Variants in SOX10 observed in about 807,000 individuals in gnomAD.
SOX10 encodes transcription factor SOX-10.
A neutral mutation model predicts 35.0 loss-of-function variants in SOX10; 3 were observed. The ratio of observed to expected loss-of-function variants is 0.09; its 90% CI spans 0.04 to 0.22. SOX10 has a LOEUF of 0.22. Among genes scored for constraint, SOX10 ranks in the 10% least tolerant of loss-of-function variants. SOX10 has a pLI of 1.00. For synonymous variants in SOX10, 285 were observed against 291.0 expected (o/e 0.98, Z 0.21); for missense variants, 436 against 655.1 (o/e 0.67, Z 3.65).
chr22:37,978,210 C>T lies in SOX10; in HGVS notation c.429-75G>A, dbSNP rs1291620424. ...GCCAGAGCACTCCAGGTTGGCCTCC[C>T]TCTGAGTGTCCATCTTGGAAGATGT... On this transcript the variant is annotated intron_variant, in intron 2 of 3. Transcript: ENST00000396884. This position sits in a 1 kb window ranked among gnomAD's most constrained non-coding sequence, Gnocchi z 5.0. The T allele has an allele frequency of 2.8e-6, 4 of 1,410,724 alleles. No homozygotes were observed. In the African/African-American group the frequency reaches 5.8e-5, roughly 20 times the overall value. 87.4% of individuals were successfully genotyped at this position (1,410,724 alleles called of 1,614,324 possible). A position where few individuals can be genotyped will look rare whatever the true frequency, so the allele number is the denominator to read the frequency against.
In SOX10 at chr22:37,983,966, T is replaced by C. The variant is rs1289471416; in HGVS notation, c.-84-98A>G. ...ACAGCCCCGAGGTGGCGGCCCTTCCTGCTCCAGCTAAACCCATCTGGCCCC... is the reference window on the plus strand; with the variant it reads ...ACAGCCCCGAGGTGGCGGCCCTTCCCGCTCCAGCTAAACCCATCTGGCCCC... On this transcript the variant is annotated intron_variant, in intron 1 of 3. Transcript: ENST00000396884. This position sits in a 1 kb window ranked among gnomAD's most constrained non-coding sequence, Gnocchi z 9.5. The C allele has an allele frequency of 2.6e-6, 1 of 385,080 alleles. No homozygotes were observed. Among genetic ancestry groups the C allele is most frequent in the African/African-American group, 2.2e-5 (1 of 45,414 alleles). The allele number at this position is 385,080 out of a possible 1,614,324, so 23.9% of individuals were successfully genotyped here.
Position 37,983,255 on chromosome 22 carries a change from C to T in SOX10, c.428+102G>A, listed in dbSNP as rs2145776650. 2 of 1,352,736 alleles carry T rather than the reference C, an allele frequency of 1.5e-6. No homozygotes were observed. Among genetic ancestry groups the T allele is most frequent in the East Asian group, 5.0e-5 (2 of 40,074 alleles). 83.8% of individuals were successfully genotyped at this position (1,352,736 alleles called of 1,614,324 possible). ...TCCAGCCCTATCCAAGGAGGACTGC[C>T]AGACAGTCCCGCTCTGAGGTGCAGG... is the stretch of plus-strand genomic sequence containing the variant. On this transcript the variant is annotated intron_variant, in intron 2 of 3. Coordinates refer to ENST00000396884, the MANE Select transcript of SOX10 (RefSeq NM_006941.4). The surrounding 1 kb of genome is among the most constrained non-coding windows in gnomAD (Gnocchi z 9.5).
chr22:37,982,170 G>A (rs1932419998), intron 2 of SOX10, among the ~76,000 whole-genome samples: 1 of 152,146 alleles, frequency 6.6e-6, no homozygotes, highest in South Asian at 2.1e-4. Flanking sequence ...TCAAAGTGTA[G>A]GTGATCCACC....
Position 37,983,761 on chromosome 22 carries a change from C to T in SOX10, c.24G>A (p.Ser8=), listed in dbSNP as rs1932481362. Residue 8 remains serine, a synonymous_variant, in exon 2 of 4, where the codon TCG becomes TCA. Transcript: ENST00000396884. This position sits in a 1 kb window ranked among gnomAD's most constrained non-coding sequence, Gnocchi z 9.5. ...AGCCCACGGGGCTCAGCTCCACCTC[C>T]GATAGGTCCTGCTCCTCCGCCATGT... MAEEQDL[S]EVELSPVGSE... is the part of the protein sequence containing the mutation. 1 of 1,487,460 alleles carries T rather than the reference C, an allele frequency of 6.7e-7. No individual in the cohort carries two copies. The highest frequency in any genetic ancestry group is 2.7e-5 in the East Asian group (1 of 36,648). The allele number at this position is 1,487,460 out of a possible 1,614,324, so 92.1% of individuals were successfully genotyped here.
rs1397622594 is a variant in SOX10, at chr22:37,978,672, T to C, written c.429-537A>G. On this transcript the variant is annotated intron_variant, in intron 2 of 3. Transcript: ENST00000396884. The surrounding 1 kb of genome is among the most constrained non-coding windows in gnomAD (Gnocchi z 5.0). Reference sequence around the variant, plus strand: ...CTTCACCTATAAAAGGATGATAACATTGGCTTAACTTGGGTGTGGGATTGG... The same window carrying C: ...CTTCACCTATAAAAGGATGATAACACTGGCTTAACTTGGGTGTGGGATTGG... 6.6e-6 allele frequency among the ~76,000 whole-genome samples: 1 copy of C among 152,190 alleles called. No homozygotes were observed. The highest frequency in any genetic ancestry group is 1.5e-5 in the Non-Finnish European group (1 of 68,030).
chr22:37,983,938 G>C lies in SOX10; in HGVS notation c.-84-70C>G, dbSNP rs1932491388. The C allele has an allele frequency of 2.0e-6, 1 of 502,800 alleles. No individual in the cohort carries two copies. The highest frequency in any genetic ancestry group is 2.1e-5 in the African/African-American group (1 of 47,482). The allele number at this position is 502,800 out of a possible 1,614,324, so 31.1% of individuals were successfully genotyped here. On this transcript the variant is annotated intron_variant, in intron 1 of 3. Coordinates refer to ENST00000396884, the MANE Select transcript of SOX10 (RefSeq NM_006941.4). This position sits in a 1 kb window ranked among gnomAD's most constrained non-coding sequence, Gnocchi z 9.5. Reference sequence around the variant, plus strand: ...CGAGGGCGGCCCGAGACAGGACGTGGGCACAGCCCCGAGGTGGCGGCCCTT... The same window carrying C: ...CGAGGGCGGCCCGAGACAGGACGTGCGCACAGCCCCGAGGTGGCGGCCCTT...
chr22:37,983,607 C>T lies in SOX10; in HGVS notation c.178G>A (p.Asp60Asn), dbSNP rs1439127307. Residue 60 changes from aspartate (D) to asparagine (N), a missense_variant, in exon 2 of 4, where the codon GAC (aspartate) becomes AAC (asparagine). Coordinates refer to ENST00000396884, the MANE Select transcript of SOX10 (RefSeq NM_006941.4). The surrounding 1 kb of genome is among the most constrained non-coding windows in gnomAD (Gnocchi z 9.5). The stretch of plus-strand genomic sequence containing the variant: ...AACTTGTCATCGTCCGCCTCGCCGT[C>T]CTGCTGCTCCTTCTTGACCTTGCCC... The part of the protein sequence containing the change: ...ELGKVKKEQQ[D>N]GEADDDKFPV... The T allele has an allele frequency of 5.0e-6, 8 of 1,607,418 alleles. No homozygotes were observed. Among genetic ancestry groups the T allele is most frequent in the Admixed American group, 1.7e-5 (1 of 59,820 alleles).
At position 37,983,527 on chromosome 22, in the gene SOX10, C is replaced by T. The variant is rs150851799; in HGVS notation, c.258G>A (p.Thr86=). The T allele has an allele frequency of 1.3e-5, 21 of 1,609,982 alleles. No individual in the cohort carries two copies. In the African/African-American group the frequency reaches 2.4e-4, roughly 18 times the overall value. The part of the protein sequence containing the change: ...VSQVLSGYDW[T]LVPMPVRVNG... ...TGACGCGCACGGGCATGGGCACCAG[C>T]GTCCAGTCGTAGCCGCTGAGCACCT... The change falls in exon 2 of 4, where the codon ACG becomes ACA. Residue 86 remains threonine (T), a synonymous_variant. Coordinates refer to ENST00000396884, the MANE Select transcript of SOX10 (RefSeq NM_006941.4). The surrounding 1 kb of genome is among the most constrained non-coding windows in gnomAD (Gnocchi z 9.5).
rs1301818494 is a variant in SOX10 at position 37,973,453 on chromosome 22, G to A, written c.*42C>T. On this transcript the variant is annotated 3_prime_UTR_variant, in exon 4 of 4. Coordinates refer to ENST00000396884, the MANE Select transcript of SOX10 (RefSeq NM_006941.4). The stretch of plus-strand genomic sequence containing the variant: ...GGCAAGGAACAGGGCACACAGGCTG[G>A]GGGCAGGGGCTGGGCGGGGGGTGGT... 7 of 1,325,570 alleles carry A rather than the reference G, an allele frequency of 5.3e-6. No individual in the cohort carries two copies. The South Asian group carries it at 8.0e-5, about 15-fold the overall frequency. The allele number at this position is 1,325,570 out of a possible 1,614,324, so 82.1% of individuals were successfully genotyped here.
In SOX10 at chr22:37,972,392, C is replaced by A; in HGVS notation, c.*1103G>T. On this transcript the variant is annotated 3_prime_UTR_variant, in exon 4 of 4. Coordinates refer to ENST00000396884, the MANE Select transcript of SOX10 (RefSeq NM_006941.4). ...CTAGAGTGGCTAGGAGAGGGGACTA[C>A]TGAGATAAATAACAGGAGACAGTAA... 1 of 419,322 alleles carries A rather than the reference C, an allele frequency of 2.4e-6. No individual in the cohort carries two copies. The highest frequency in any genetic ancestry group is 1.9e-5 in the South Asian group (1 of 51,830). 26.0% of individuals were successfully genotyped at this position (419,322 alleles called of 1,614,324 possible).
intron 3 of SOX10, 79 bp downstream of exon 3, chr22:37,977,787 AG>A: frequency 6.8e-7 from 1 of 1,463,808 alleles, no homozygotes; most frequent in Non-Finnish European, 9.3e-7. Context: ...CCTAGAGTCC[AG>A]GGTCTCATTG....
chr22:37,977,541 C>T (rs1385771390), intron 3 of SOX10, among the ~76,000 whole-genome samples: 1 of 152,104 alleles, frequency 6.6e-6, no homozygotes, highest in East Asian at 2.0e-4. Flanking sequence ...AGGATGGTCT[C>T]GATCTCCTGA....
At position 37,977,997 on chromosome 22, in the gene SOX10, C is replaced by T. The variant is rs779836065; in HGVS notation, c.567G>A (p.Glu189=). 1 of 1,611,894 alleles carries T rather than the reference C, an allele frequency of 6.2e-7. No individual in the cohort carries two copies. The highest frequency in any genetic ancestry group is 1.1e-5 in the South Asian group (1 of 91,026). Residue 189 remains glutamate, a synonymous_variant, in exon 3 of 4, where the codon GAG becomes GAA. Transcript: ENST00000396884. ...KNGKAAQGEA[E]CPGGEAEQGG... is the part of the protein sequence containing the mutation. ...CTTGCTCGGCCTCCCCACCGGGGCACTCCGCCTCGCCCTGGGCGGCCTTCC... is the reference window on the plus strand; with the variant it reads ...CTTGCTCGGCCTCCCCACCGGGGCATTCCGCCTCGCCCTGGGCGGCCTTCC...
At chr22:37,982,630 T>C (rs1932435249) in intron 2 of SOX10, among the ~76,000 whole-genome samples, 1 of 151,906 alleles carries the variant, frequency 6.6e-6, no homozygotes, top group Non-Finnish European at 1.5e-5. Context: ...TTGCTCAACG[T>C]TGGGGTGGGG....
intron 2 of SOX10, among the ~76,000 whole-genome samples, chr22:37,979,305 C>G (rs1376746059): frequency 6.6e-6 from 1 of 152,068 alleles, no homozygotes; most frequent in Non-Finnish European, 1.5e-5. Context: ...ACCATATTGG[C>G]CAGGCTGGTC....
chr22:37,973,552 C>G lies in SOX10; in HGVS notation c.1344G>C (p.Gln448His). Residue 448 changes from glutamine to histidine, a missense_variant, in exon 4 of 4, where the codon CAG (glutamine) becomes CAC (histidine). This residue lies in a region of SOX10 where 285 missense variants were observed against 402.9 expected (regional missense o/e 0.71). Coordinates refer to ENST00000396884, the MANE Select transcript of SOX10 (RefSeq NM_006941.4). Reference sequence around the variant, plus strand: ...GCTCCCAGTGTGTGGGGCTGTGGGACTGGGGCCCTGAGGGGCTGGGGTCAG... The same window carrying G: ...GCTCCCAGTGTGTGGGGCTGTGGGAGTGGGGCCCTGAGGGGCTGGGGTCAG... ...AISDPSPSGPQSHSPTHWEQP... is the reference protein window; with the variant it reads ...AISDPSPSGPHSHSPTHWEQP... The G allele has an allele frequency of 1.2e-6, 2 of 1,612,302 alleles. No homozygotes were observed. The highest frequency in any genetic ancestry group is 2.2e-5 in the South Asian group (2 of 91,042).
In SOX10 at chr22:37,974,378, G is replaced by A. The variant is rs1230885523; in HGVS notation, c.698-180C>T. 6.7e-6 allele frequency among the ~76,000 whole-genome samples: 1 copy of A among 149,964 alleles called. No homozygotes were observed. The highest frequency in any genetic ancestry group is 2.5e-5 in the African/African-American group (1 of 40,204). On this transcript the variant is annotated intron_variant, in intron 3 of 3. Transcript: ENST00000396884. The surrounding 1 kb of genome is among the most constrained non-coding windows in gnomAD (Gnocchi z 5.4). ...TTTTGTTTTTTTTTTTTGAGATGGA[G>A]TTTCGCTCTTGTTGCCCAGACTGGA...
Position 37,983,939 on chromosome 22 carries a change from G to A in SOX10, c.-84-71C>T. The A allele has an allele frequency of 1.2e-5, 6 of 497,460 alleles. No homozygotes were observed. Among genetic ancestry groups the A allele is most frequent in the Non-Finnish European group, 1.9e-5 (6 of 323,386 alleles). The allele number at this position is 497,460 out of a possible 1,614,324, so 30.8% of individuals were successfully genotyped here. A position where few individuals can be genotyped will look rare whatever the true frequency, so the allele number is the denominator to read the frequency against. On this transcript the variant is annotated intron_variant, in intron 1 of 3. Transcript: ENST00000396884. The surrounding 1 kb of genome is among the most constrained non-coding windows in gnomAD (Gnocchi z 9.5). ...GAGGGCGGCCCGAGACAGGACGTGG[G>A]CACAGCCCCGAGGTGGCGGCCCTTC... is the stretch of plus-strand genomic sequence containing the variant.
chr22:37,974,677 T>C lies in SOX10; in HGVS notation c.698-479A>G, dbSNP rs551638349. Among the ~76,000 whole-genome samples the C allele has an allele frequency of 6.6e-6, 1 of 152,292 alleles. No homozygotes were observed. The highest frequency in any genetic ancestry group is 1.5e-5 in the Non-Finnish European group (1 of 68,018). On this transcript the variant is annotated intron_variant, in intron 3 of 3. Coordinates refer to ENST00000396884, the MANE Select transcript of SOX10 (RefSeq NM_006941.4). The surrounding 1 kb of genome is among the most constrained non-coding windows in gnomAD (Gnocchi z 5.4). ...AGCATTTGTTTAAATACTGGTGTCTTAGATTGATCTCTAGTTGTTTATGAA... is the reference window on the plus strand; with the variant it reads ...AGCATTTGTTTAAATACTGGTGTCTCAGATTGATCTCTAGTTGTTTATGAA...
Sources: gnomAD v4.1 joint callset for allele counts (sites outside exome capture counted in the v4.1 genomes callset) on GRCh38, gnomAD v4.1.1 for gene constraint, gnomAD v4.1.1 regional missense constraint, Gnocchi (gnomAD v3.1) non-coding constraint, MANE v1.5 for transcripts, NCBI Gene and HGNC (gene_info 2026-07-23, HGNC 2026-07-21) for gene names.